DHX8: variants seen among roughly 807,000 people sequenced by gnomAD.
The protein encoded by DHX8 is DEAH-box helicase 8.
DHX8 carries 67 observed loss-of-function variants against 140.7 expected under a neutral mutation model. That is an observed-to-expected ratio of 0.48 (90% CI 0.39 to 0.58). The LOEUF (loss-of-function observed/expected upper bound fraction) is 0.58. DHX8 is among the 20% of genes least tolerant of loss of function. DHX8 has a pLI of 0.00. For missense variants in DHX8, 887 were observed against 1,550.7 expected (o/e 0.57, Z 7.19); for synonymous variants, 533 against 553.2 (o/e 0.96, Z 0.51).
intron 8 of DHX8, among the ~76,000 whole-genome samples, chr17:43,494,398 G>C (rs1968722341): frequency 1.3e-5 from 2 of 152,050 alleles, no homozygotes; most frequent in African/African-American, 2.4e-5. Context: ...CTATAAAACA[G>C]GACCAGTGTT....
At chr17:43,526,490 C>G, downstream of DHX8, 1 of 1,535,632 alleles carries the variant, frequency 6.5e-7, no homozygotes, top group Non-Finnish European at 8.7e-7. Flanking sequence ...ACTGTCTCTC[C>G]TGCAGCCCAA....
At chr17:43,494,131 A>G (rs1968703402) in intron 8 of DHX8, among the ~76,000 whole-genome samples, 1 of 152,188 alleles carries the variant, frequency 6.6e-6, no homozygotes. Context: ...CATATCTCAC[A>G]TGGCAGTAGA....
At chr17:43,544,721 A>G (rs554723900), downstream of DHX8, 56 of 406,338 alleles carry the variant, frequency 1.4e-4, no homozygotes, top group South Asian at 2.1e-3. Flanking sequence ...AATACCCCAC[A>G]CAATGGTCTG....
chr17:43,509,722 G>A (rs1304289638), intron 16 of DHX8, among the ~76,000 whole-genome samples: 1 of 152,080 alleles, frequency 6.6e-6, no homozygotes, highest in Non-Finnish European at 1.5e-5. Flanking sequence ...AGGCTGGAGT[G>A]CAACGGCACA....
chr17:43,517,677 G>A (rs1209244035), intron 18 of DHX8: 1 of 174,704 alleles, frequency 5.7e-6, no homozygotes, highest in African/African-American at 2.4e-5. Flanking sequence ...ATCCAATTCT[G>A]TTCTTTTAGA....
At chr17:43,493,329 G>T (rs1968649087) in intron 6 of DHX8, 116 bp from the exon 7 acceptor site, 2 of 1,392,244 alleles carry the variant, frequency 1.4e-6, no homozygotes, top group Non-Finnish European at 1.9e-6. Flanking sequence ...CCACCTTCAT[G>T]GTACTTTTCT....
chr17:43,511,851 CAA>C (rs1210970204), intron 16 of DHX8, among the ~76,000 whole-genome samples: 12,832 of 67,406 alleles, frequency 0.19, 343 homozygotes, highest in Middle Eastern at 0.26. Flanking sequence ...CCTATCTCTA[CAA>C]AAAAAAAAAA....
downstream of DHX8, chr17:43,529,505 T>C: frequency 6.2e-7 from 1 of 1,605,426 alleles, no homozygotes. Context: ...GAGGCCCACC[T>C]CCTCAGGCTC....
chr17:43,511,750 G>A (rs924565605), intron 16 of DHX8, among the ~76,000 whole-genome samples: 14 of 149,406 alleles, frequency 9.4e-5, no homozygotes, highest in East Asian at 8.1e-4. Flanking sequence ...GAGCCACCAC[G>A]CCTGGCAGAT....
At chr17:43,541,058 G>A (rs1971496233) in intron 3 of DHX8, among the ~76,000 whole-genome samples, 1 of 152,046 alleles carries the variant, frequency 6.6e-6, no homozygotes, top group African/African-American at 2.4e-5. Context: ...TTTAACCAGG[G>A]ACCCCTCCAG....
In DHX8 at chr17:43,524,408, G is replaced by A; in HGVS notation, c.*561G>A. On this transcript the variant is annotated 3_prime_UTR_variant, in exon 23 of 23. Coordinates refer to ENST00000262415, the MANE Select transcript of DHX8 (RefSeq NM_004941.3). Reference sequence around the variant, plus strand: ...GAGGGAGATTTAGTATCTGTGCTCTGGCACACATGATGAGAATCCCCTGAA... The same window carrying A: ...GAGGGAGATTTAGTATCTGTGCTCTAGCACACATGATGAGAATCCCCTGAA... 3 of 989,740 alleles carry A rather than the reference G, an allele frequency of 3.0e-6. No individual in the cohort carries two copies. 61.3% of individuals were successfully genotyped at this position (989,740 alleles called of 1,614,324 possible).
chr17:43,492,404 T>C (rs1392479278), intron 5 of DHX8, 112 bp downstream of exon 5: 7 of 745,664 alleles, frequency 9.4e-6, no homozygotes, highest in Non-Finnish European at 1.2e-5. Context: ...ACTGGTCATA[T>C]ATCATATTGT....
chr17:43,533,528 A>G (rs1971074119), intron 2 of DHX8, among the ~76,000 whole-genome samples: 1 of 152,020 alleles, frequency 6.6e-6, no homozygotes, highest in Non-Finnish European at 1.5e-5. Context: ...TTTTTCAGAG[A>G]CAGTCTCCCT....
chr17:43,521,019 G>A (rs909067006), intron 20 of DHX8, 140 bp downstream of exon 20: 7 of 852,266 alleles, frequency 8.2e-6, no homozygotes, highest in South Asian at 7.7e-5. Context: ...TGCCCAGGCT[G>A]GAGTGCAGTG....
rs377168250 is a variant in DHX8 at position 43,490,422 on chromosome 17, T to G, written c.266T>G (p.Ile89Arg). The G allele has an allele frequency of 3.1e-6, 5 of 1,613,882 alleles. No homozygotes were observed. The highest frequency in any genetic ancestry group is 4.2e-6 in the Non-Finnish European group (5 of 1,179,966). The stretch of plus-strand genomic sequence containing the variant: ...CTTATTAGTAACTTGCTGCGTCTCA[T>G]ACAAACCATGCGGCCTCCAGCGAAG... ...DSLISNLLRL[I>R]QTMRPPAKPS... The change falls in exon 3 of 23, where the codon ATA becomes AGA. Residue 89 changes from isoleucine (I) to arginine (R), a missense_variant. Physicochemically the swap from Ile to Arg is moderately conservative, Grantham distance 97. This residue lies in a region of DHX8 where 304 missense variants were observed against 306.9 expected (regional missense o/e 0.99). Transcript: ENST00000262415.
At position 43,525,546 on chromosome 17, in the gene DHX8, C is replaced by T; in HGVS notation, c.*1699C>T. The T allele has an allele frequency of 3.0e-6, 3 of 985,458 alleles. No individual in the cohort carries two copies. Among genetic ancestry groups the T allele is most frequent in the Non-Finnish European group, 3.6e-6 (3 of 829,978 alleles). 61.0% of individuals were successfully genotyped at this position (985,458 alleles called of 1,614,324 possible). A position where few individuals can be genotyped will look rare whatever the true frequency, so the allele number is the denominator to read the frequency against. On this transcript the variant is annotated 3_prime_UTR_variant, in exon 23 of 23. Coordinates refer to ENST00000262415, the MANE Select transcript of DHX8 (RefSeq NM_004941.3). Reference sequence around the variant, plus strand: ...GGGCAGGGCATTGTTGTGTGTTAACCTTGAAGGCCTTCTGGGGAGAGACAG... The same window carrying T: ...GGGCAGGGCATTGTTGTGTGTTAACTTTGAAGGCCTTCTGGGGAGAGACAG...
At chr17:43,514,795 T>C (rs1187627562) in intron 17 of DHX8, among the ~76,000 whole-genome samples, 1 of 152,226 alleles carries the variant, frequency 6.6e-6, no homozygotes, top group African/African-American at 2.4e-5. Flanking sequence ...GTTTAATAAA[T>C]TATGGTATAT....
At position 43,492,074 on chromosome 17, in the gene DHX8, C is replaced by A. The variant is rs545296988; in HGVS notation, c.394-109C>A. 47 of 746,222 alleles carry A rather than the reference C, an allele frequency of 6.3e-5. No individual in the cohort carries two copies. The African/African-American group carries it at 7.5e-4, about 12-fold the overall frequency. 46.2% of individuals were successfully genotyped at this position (746,222 alleles called of 1,614,324 possible). ...TGAATCAAGTTTGAAATCTCTGCCC[C>A]TCTTCTATTTCCCTCACATAGTGAT... On this transcript the variant is annotated intron_variant, in intron 4 of 22. Transcript: ENST00000262415.
intron 9 of DHX8, 114 bp from the exon 10 acceptor site, chr17:43,498,748 C>T (rs1969018825): frequency 2.6e-6 from 2 of 778,744 alleles, no homozygotes; most frequent in Non-Finnish European, 4.0e-6. Context: ...CATGCCCCAC[C>T]AGGGGAAGCT....
Sources: gnomAD v4.1 joint callset for allele counts (sites outside exome capture counted in the v4.1 genomes callset) on GRCh38, gnomAD v4.1.1 for gene constraint, gnomAD v4.1.1 regional missense constraint, MANE v1.5 for transcripts, NCBI Gene and HGNC (gene_info 2026-07-23, HGNC 2026-07-21) for gene names.